Variants in NFIA observed in about 807,000 individuals in gnomAD.
NFIA encodes the protein nuclear factor 1 A-type.
NFIA carries 8 observed loss-of-function variants against 62.8 expected under a neutral mutation model. That is an observed-to-expected ratio of 0.13 (90% CI 0.07 to 0.23). The LOEUF (loss-of-function observed/expected upper bound fraction) is 0.23, where lower values mean the gene tolerates loss of function less well. NFIA is among the 10% of genes least tolerant of loss of function. NFIA has a pLI of 1.00. For synonymous variants in NFIA, 235 were observed against 238.1 expected, an observed-to-expected ratio of 0.99 and a Z score of 0.12; for missense variants, 410 against 642.1, an observed-to-expected ratio of 0.64 and a Z score of 3.91.
intron 3 of NFIA, among the ~76,000 whole-genome samples, chr1:61,281,840 C>T (rs897214006): frequency 8.5e-5 from 13 of 152,068 alleles, no homozygotes; most frequent in Admixed American, 2.6e-4. Context: ...CTGCACAGCC[C>T]GTAGATCTGT....
chr1:61,297,066 A>G (rs186210398), intron 3 of NFIA, among the ~76,000 whole-genome samples: 1 of 152,368 alleles, frequency 6.6e-6, no homozygotes, highest in Admixed American at 6.5e-5. Flanking sequence ...TGGCCTAATG[A>G]AAGTTATATG....
intron 7 of NFIA, among the ~76,000 whole-genome samples, chr1:61,393,423 C>G (rs937556069): frequency 6.7e-6 from 1 of 149,256 alleles, no homozygotes; most frequent in Admixed American, 6.7e-5. Flanking sequence ...CCACAGTGAG[C>G]AGCTCCAGCC....
intron 3 of NFIA, among the ~76,000 whole-genome samples, chr1:61,319,391 G>A (rs887080441): frequency 1.3e-5 from 2 of 152,098 alleles, no homozygotes; most frequent in African/African-American, 4.8e-5. Context: ...AAGAATAGAT[G>A]TTTCATTTCT....
At chr1:61,103,556 C>T (rs1646547152) in intron 2 of NFIA, among the ~76,000 whole-genome samples, 1 of 152,130 alleles carries the variant, frequency 6.6e-6, no homozygotes, top group South Asian at 2.1e-4. Flanking sequence ...GGGTTGTATT[C>T]AGTGTTTTTG....
intron 10 of NFIA, among the ~76,000 whole-genome samples, chr1:61,449,848 AC>A: frequency 6.6e-6 from 1 of 152,212 alleles, no homozygotes; most frequent in Non-Finnish European, 1.5e-5. Context: ...AGTAACTAAC[AC>A]CTGTGTACAG....
chr1:61,100,933 A>T (rs1570151214), intron 2 of NFIA, among the ~76,000 whole-genome samples: 1 of 150,198 alleles, frequency 6.7e-6, no homozygotes, highest in East Asian at 2.0e-4. Context: ...CCAGTTGTTA[A>T]CATTGCTTTT....
chr1:61,097,987 T>C (rs927623840), intron 2 of NFIA, among the ~76,000 whole-genome samples: 2 of 152,188 alleles, frequency 1.3e-5, no homozygotes, highest in Non-Finnish European at 2.9e-5. Context: ...AGTGTTGAGA[T>C]GACATCAAGC....
At chr1:61,155,259 G>C (rs1403740172) in intron 2 of NFIA, among the ~76,000 whole-genome samples, 1 of 152,182 alleles carries the variant, frequency 6.6e-6, no homozygotes, top group African/African-American at 2.4e-5. Context: ...ACTTTCTTAA[G>C]ACTGCTCATA....
intron 2 of NFIA, among the ~76,000 whole-genome samples, chr1:61,182,727 C>T (rs1370562716): frequency 6.6e-6 from 1 of 152,024 alleles, no homozygotes; most frequent in Non-Finnish European, 1.5e-5. Context: ...CTTCATATTC[C>T]CCGAAGTTTT....
chr1:61,363,948 A>T lies in NFIA; in HGVS notation c.946+4674A>T, dbSNP rs1230911006. Among the ~76,000 whole-genome samples, 29 of 142,580 alleles carry T rather than the reference A, an allele frequency of 2.0e-4. No individual in the cohort carries two copies. In the South Asian group the frequency reaches 4.2e-3, roughly 21 times the overall value. The allele number at this position is 142,580 out of a possible 152,430, so 93.5% of individuals were successfully genotyped here. On this transcript the variant is annotated intron_variant, in intron 6 of 10. Transcript: ENST00000403491. ...TGCTTTCTTTACATCTGCATCTACT[A>T]TTTTTTTTTTTTTTCTGAGACAGAG...
intron 7 of NFIA, among the ~76,000 whole-genome samples, chr1:61,386,638 G>A (rs1481051149): frequency 6.6e-6 from 1 of 152,114 alleles, no homozygotes; most frequent in Non-Finnish European, 1.5e-5. Flanking sequence ...AAAAACACAA[G>A]GGCCTTACTT....
chr1:61,306,364 C>T (rs564659783), intron 3 of NFIA, among the ~76,000 whole-genome samples: 1 of 146,218 alleles, frequency 6.8e-6, no homozygotes, highest in Admixed American at 7.1e-5. Flanking sequence ...CAACCTCCCC[C>T]TCCTGGGTTC....
At chr1:61,267,650 G>A (rs775813937) in intron 2 of NFIA, among the ~76,000 whole-genome samples, 11 of 152,072 alleles carry the variant, frequency 7.2e-5, no homozygotes, top group Non-Finnish European at 1.3e-4. Context: ...CACTACCACC[G>A]CCAGTTAGTA....
At chr1:61,206,754 G>C (rs1047701379) in intron 2 of NFIA, among the ~76,000 whole-genome samples, 3 of 152,156 alleles carry the variant, frequency 2.0e-5, no homozygotes, top group African/African-American at 7.2e-5. Context: ...GATTATCTTA[G>C]AGCTGTTCTT....
intron 6 of NFIA, among the ~76,000 whole-genome samples, chr1:61,380,826 C>T (rs556839401): frequency 6.0e-4 from 91 of 152,142 alleles, no homozygotes; most frequent in African/African-American, 1.9e-3. Context: ...GTCTTTAACC[C>T]TTGCAAAGAA....
intron 2 of NFIA, among the ~76,000 whole-genome samples, chr1:61,110,601 G>A (rs1646679370): frequency 6.6e-6 from 1 of 152,024 alleles, no homozygotes; most frequent in South Asian, 2.1e-4. Flanking sequence ...ATTAGGGGAA[G>A]TTGTAATAAT....
upstream of NFIA, among the ~76,000 whole-genome samples, chr1:61,078,825 GCTAA>G (rs1027350062): frequency 7.2e-5 from 11 of 152,322 alleles, no homozygotes; most frequent in South Asian, 2.1e-4. Flanking sequence ...TCGCTGACTT[GCTAA>G]CTGTTAGTTG....
intron 3 of NFIA, among the ~76,000 whole-genome samples, chr1:61,327,545 GAAT>G (rs1661017568): frequency 6.6e-6 from 1 of 152,052 alleles, no homozygotes; most frequent in African/African-American, 2.4e-5. Flanking sequence ...ACTTCACTTA[GAAT>G]AATGGCCTCT....
At chr1:61,208,788 A>G (rs1653055939) in intron 2 of NFIA, among the ~76,000 whole-genome samples, 2 of 152,180 alleles carry the variant, frequency 1.3e-5, no homozygotes, top group Non-Finnish European at 2.9e-5. Flanking sequence ...CTTAAGCTTT[A>G]TTATTGAAAA....
Sources: allele counts gnomAD v4.1 joint callset (sites outside exome capture counted in the v4.1 genomes callset), GRCh38; gene constraint gnomAD v4.1.1; transcripts MANE v1.5; gene names NCBI Gene and HGNC (gene_info 2026-07-23, HGNC 2026-07-21).